Variants in CNTNAP5 observed in about 807,000 individuals in gnomAD.
The protein encoded by CNTNAP5 is contactin associated protein family member 5.
Under a neutral mutation model 150.2 loss-of-function variants are expected in CNTNAP5, and 72 were observed. That is an observed-to-expected ratio of 0.48 (90% CI 0.40 to 0.58). The LOEUF is 0.58. CNTNAP5 is among the 20% of genes least tolerant of loss of function. CNTNAP5 has a pLI of 0.00. For missense variants in CNTNAP5, 1,636 were observed against 1,626.2 expected, an observed-to-expected ratio of 1.01 and a Z score of -0.10; for synonymous variants, 672 against 619.8, an observed-to-expected ratio of 1.08 and a Z score of -1.25.
At chr2:124,185,570 T>A (rs749308218) in intron 1 of CNTNAP5, among the ~76,000 whole-genome samples, 1 of 152,190 alleles carries the variant, frequency 6.6e-6, no homozygotes, top group African/African-American at 2.4e-5. Context: ...TCAAGGAGAA[T>A]GAAGACAACA....
Position 124,870,116 on chromosome 2 carries a change from A to C in CNTNAP5, c.3436+354A>C, listed in dbSNP as rs190607636. ...TGAGCAACTCAATAGTTCATCAAAA[A>C]TTTTAAAGGCATTGTAATTTCCTAT... is the stretch of plus-strand genomic sequence containing the variant. On this transcript the variant is annotated intron_variant, in intron 21 of 23. Transcript: ENST00000682447. Among the ~76,000 whole-genome samples the C allele has an allele frequency of 2.8e-4, 43 of 152,082 alleles. 1 individual carries two copies. The highest frequency in any genetic ancestry group is 3.4e-3 in the Middle Eastern group (1 of 294).
intron 3 of CNTNAP5, among the ~76,000 whole-genome samples, chr2:124,341,200 C>T (rs1689606131): frequency 6.6e-6 from 1 of 152,114 alleles, no homozygotes; most frequent in Non-Finnish European, 1.5e-5. Context: ...TTTTAAGACA[C>T]TTGCATTTCT....
At chr2:124,560,558 T>C (rs1695867690) in intron 10 of CNTNAP5, among the ~76,000 whole-genome samples, 1 of 151,934 alleles carries the variant, frequency 6.6e-6, no homozygotes, top group Non-Finnish European at 1.5e-5. Flanking sequence ...AAAACGTTTC[T>C]TTTTCTTTTT....
At chr2:124,410,777 G>A (rs1691734969) in intron 3 of CNTNAP5, among the ~76,000 whole-genome samples, 1 of 150,546 alleles carries the variant, frequency 6.6e-6, no homozygotes, top group African/African-American at 2.4e-5. Context: ...AGAGAAAGCA[G>A]GAAAGATCCA....
At chr2:124,251,898 A>C (rs1687187501) in intron 3 of CNTNAP5, among the ~76,000 whole-genome samples, 1 of 152,206 alleles carries the variant, frequency 6.6e-6, no homozygotes, top group Non-Finnish European at 1.5e-5. Context: ...AGAACTGATG[A>C]ACAGAAGACA....
rs1378477345 is a variant in CNTNAP5, at chr2:124,707,091, A to G, written c.2078-40138A>G. ...AAGAGGAAGAAGAAGAAGAGGAAGAAGAAGAAGAGGAAGAAGAAGAGGAAG... is the reference window on the plus strand; with the variant it reads ...AAGAGGAAGAAGAAGAAGAGGAAGAGGAAGAAGAGGAAGAAGAAGAGGAAG... On this transcript the variant is annotated intron_variant, in intron 13 of 23. Transcript: ENST00000682447. 6.1e-3 allele frequency among the ~76,000 whole-genome samples: 829 copies of G among 136,404 alleles called. 51 individuals carry two copies. The highest frequency in any genetic ancestry group is 0.022 in the African/African-American group (787 of 35,036). 89.5% of individuals were successfully genotyped at this position (136,404 alleles called of 152,430 possible).
At chr2:124,819,182 T>C (rs549251873) in intron 19 of CNTNAP5, among the ~76,000 whole-genome samples, 1 of 152,264 alleles carries the variant, frequency 6.6e-6, no homozygotes, top group South Asian at 2.1e-4. Flanking sequence ...CTTAATTTAT[T>C]TGTTTGTTGC....
rs534478880 is a variant in CNTNAP5 at position 124,108,895 on chromosome 2, C to T, written c.82+83163C>T. ...GCTCCTTACAGGGGATATTCTTAGACTGTCATTCATGCCCCTATCCTCATC... is the reference window on the plus strand; with the variant it reads ...GCTCCTTACAGGGGATATTCTTAGATTGTCATTCATGCCCCTATCCTCATC... On this transcript the variant is annotated intron_variant, in intron 1 of 23. Coordinates refer to ENST00000682447, the MANE Select transcript of CNTNAP5 (RefSeq NM_001367498.1). Among the ~76,000 whole-genome samples the T allele has an allele frequency of 7.2e-5, 11 of 152,248 alleles. No homozygotes were observed. The South Asian group carries it at 2.1e-3, about 29-fold the overall frequency.
Position 124,413,385 on chromosome 2 carries a change from A to G in CNTNAP5, c.382-4058A>G, listed in dbSNP as rs549976256. On this transcript the variant is annotated intron_variant, in intron 3 of 23. Coordinates refer to ENST00000682447, the MANE Select transcript of CNTNAP5 (RefSeq NM_001367498.1). Reference sequence around the variant, plus strand: ...ACGCAGCCATCCCATTACTGGGTATATACCCAAAGGACTATAAATCATGCT... The same window carrying G: ...ACGCAGCCATCCCATTACTGGGTATGTACCCAAAGGACTATAAATCATGCT... Among the ~76,000 whole-genome samples the G allele has an allele frequency of 4.1e-3, 615 of 148,252 alleles. 4 individuals are homozygous for G. The highest frequency in any genetic ancestry group is 0.014 in the African/African-American group (584 of 40,310).
Position 124,915,761 on chromosome 2 carries a change from G to C in CNTNAP5, c.*1473G>C, listed in dbSNP as rs978204416. On this transcript the variant is annotated 3_prime_UTR_variant, in exon 24 of 24. Transcript: ENST00000682447. ...AGAAGGCACCTTGAGCTCATCCATGGGGTGGCGGTAAAGATCTTAATGATT... is the reference window on the plus strand; with the variant it reads ...AGAAGGCACCTTGAGCTCATCCATGCGGTGGCGGTAAAGATCTTAATGATT... Among the ~76,000 whole-genome samples the C allele has an allele frequency of 1.3e-5, 2 of 152,008 alleles. No homozygotes were observed. Among genetic ancestry groups the C allele is most frequent in the Non-Finnish European group, 2.9e-5 (2 of 67,968 alleles).
At chr2:124,812,463 T>C (rs1682257776) in intron 19 of CNTNAP5, among the ~76,000 whole-genome samples, 1 of 151,980 alleles carries the variant, frequency 6.6e-6, no homozygotes. Context: ...CGGTTGGACA[T>C]ACTGCATTAT....
chr2:124,267,138 C>A (rs533987236), intron 3 of CNTNAP5, among the ~76,000 whole-genome samples: 1 of 152,170 alleles, frequency 6.6e-6, no homozygotes, highest in Non-Finnish European at 1.5e-5. Flanking sequence ...AATATGCAGG[C>A]TGCACGGGGA....
At chr2:124,752,834 A>G (rs1680757104) in intron 14 of CNTNAP5, among the ~76,000 whole-genome samples, 1 of 152,144 alleles carries the variant, frequency 6.6e-6, no homozygotes, top group East Asian at 1.9e-4. Context: ...GAGACAGCAC[A>G]GGAGAGTGTT....
chr2:124,703,942 G>A (rs1056625119), intron 13 of CNTNAP5, among the ~76,000 whole-genome samples: 1 of 152,178 alleles, frequency 6.6e-6, no homozygotes, highest in East Asian at 1.9e-4. Flanking sequence ...TTAGATATGA[G>A]TTTTTAAATT....
At chr2:124,472,757 T>A (rs1221765946) in intron 6 of CNTNAP5, among the ~76,000 whole-genome samples, 2 of 151,870 alleles carry the variant, frequency 1.3e-5, no homozygotes, top group African/African-American at 2.4e-5. Flanking sequence ...AATCACATTA[T>A]ATTTGAAATA....
At chr2:124,248,245 ATC>A (rs1687080160) in intron 3 of CNTNAP5, among the ~76,000 whole-genome samples, 2 of 152,160 alleles carry the variant, frequency 1.3e-5, no homozygotes, top group Admixed American at 6.5e-5. Context: ...GCAGGGATAT[ATC>A]TAGAATCTTC....
At chr2:124,909,586 C>T (rs539891770) in intron 22 of CNTNAP5, among the ~76,000 whole-genome samples, 26 of 151,956 alleles carry the variant, frequency 1.7e-4, no homozygotes, top group African/African-American at 5.3e-4. Flanking sequence ...CAGTGTGATA[C>T]AGGAGATCTA....
intron 6 of CNTNAP5, among the ~76,000 whole-genome samples, chr2:124,464,207 C>G (rs2104823902): frequency 6.6e-6 from 1 of 152,136 alleles, no homozygotes; most frequent in Non-Finnish European, 1.5e-5. Context: ...AGCACTGGGG[C>G]AGGATGTCAG....
intron 1 of CNTNAP5, among the ~76,000 whole-genome samples, chr2:124,063,490 G>C (rs1682067654): frequency 6.6e-6 from 1 of 152,078 alleles, no homozygotes; most frequent in African/African-American, 2.4e-5. Context: ...AAGAAGGTCT[G>C]GTTCTTGTTC....
Sources: allele counts gnomAD v4.1 joint callset (sites outside exome capture counted in the v4.1 genomes callset), GRCh38; gene constraint gnomAD v4.1.1; transcripts MANE v1.5; gene names NCBI Gene and HGNC (gene_info 2026-07-23, HGNC 2026-07-21).